SHISA9: variants seen among roughly 807,000 people sequenced by gnomAD.
SHISA9 encodes the protein protein shisa-9.
Under a neutral mutation model 38.0 loss-of-function variants are expected in SHISA9, and 13 were observed. That is an observed-to-expected ratio of 0.34 (90% CI 0.22 to 0.54). SHISA9 has a LOEUF of 0.54. Ranked by LOEUF, SHISA9 falls within the 20% of genes least tolerant of loss-of-function variation. The pLI, the probability that SHISA9 is intolerant of heterozygous loss-of-function variation, is 0.91. For synonymous variants in SHISA9, 275 were observed against 242.0 expected (o/e 1.14, Z -1.27); for missense variants, 538 against 575.8 (o/e 0.93, Z 0.67).
intron 2 of SHISA9, among the ~76,000 whole-genome samples, chr16:12,957,714 GA>G (rs1057326770): frequency 2.0e-5 from 3 of 152,100 alleles, no homozygotes; most frequent in African/African-American, 7.2e-5. Context: ...TATAAACTAA[GA>G]GGGTTAAACA....
At position 13,213,312 on chromosome 16, in the gene SHISA9, C is replaced by A. The variant is rs372010886; in HGVS notation, c.895+12C>A. On this transcript the variant is annotated intron_variant, in intron 4 of 4. Coordinates refer to ENST00000558583, the MANE Select transcript of SHISA9 (RefSeq NM_001145204.3). ...TAAGTCACCAAAAGGTACTGTACAG[C>A]TTTTTCTAGCTCTTTTGTCCAGGTG... 1.1e-4 allele frequency: 164 copies of A among 1,550,964 alleles called. 1 individual carries two copies. The South Asian group carries it at 1.2e-3, about 11-fold the overall frequency.
the SHISA9 span, among the ~76,000 whole-genome samples, chr16:13,347,179 G>A: frequency 2.0e-5 from 3 of 152,154 alleles, no homozygotes; most frequent in Non-Finnish European, 2.9e-5. Context: ...AGGGAAAATT[G>A]CCATTTCTGA....
intron 2 of SHISA9, among the ~76,000 whole-genome samples, chr16:13,126,099 C>G (rs1007149853): frequency 1.2e-4 from 18 of 152,200 alleles, no homozygotes; most frequent in African/African-American, 4.1e-4. Context: ...CCCTTAGTTT[C>G]TTATAGCCTA....
chr16:13,340,336 A>G, the SHISA9 span, among the ~76,000 whole-genome samples: 1 of 152,206 alleles, frequency 6.6e-6, no homozygotes, highest in Non-Finnish European at 1.5e-5. Context: ...CTAAAGGAAT[A>G]TGGGAACATA....
intron 2 of SHISA9, among the ~76,000 whole-genome samples, chr16:13,148,366 C>T (rs2050466506): frequency 6.6e-6 from 1 of 152,072 alleles, no homozygotes; most frequent in Non-Finnish European, 1.5e-5. Flanking sequence ...ATCCACACTA[C>T]ACACACCATG....
At chr16:13,359,347 G>A in the SHISA9 span, among the ~76,000 whole-genome samples, 2 of 152,120 alleles carry the variant, frequency 1.3e-5, no homozygotes, top group Non-Finnish European at 2.9e-5. Flanking sequence ...GCTGGGTGTG[G>A]TGGTGGGCAC....
chr16:13,379,260 C>T, the SHISA9 span, among the ~76,000 whole-genome samples: 1 of 152,194 alleles, frequency 6.6e-6, no homozygotes, highest in African/African-American at 2.4e-5. Context: ...TCACATTCAT[C>T]TTATTTTGGA....
chr16:12,936,948 G>A (rs2071542459), intron 2 of SHISA9, among the ~76,000 whole-genome samples: 1 of 152,116 alleles, frequency 6.6e-6, no homozygotes, highest in African/African-American at 2.4e-5. Flanking sequence ...TGGGGTTTGT[G>A]TATTTGTTCC....
chr16:12,989,671 T>A (rs1408998354), intron 2 of SHISA9, among the ~76,000 whole-genome samples: 1 of 152,202 alleles, frequency 6.6e-6, no homozygotes, highest in Non-Finnish European at 1.5e-5. Flanking sequence ...ATACCATTTT[T>A]ATTATGATTA....
At chr16:12,987,608 G>C (rs2072329614) in intron 2 of SHISA9, among the ~76,000 whole-genome samples, 1 of 152,172 alleles carries the variant, frequency 6.6e-6, no homozygotes, top group South Asian at 2.1e-4. Context: ...AGCTGGGGGA[G>C]GGAGAGCATC....
At chr16:13,143,065 G>C (rs1170544534) in intron 2 of SHISA9, among the ~76,000 whole-genome samples, 3 of 143,934 alleles carry the variant, frequency 2.1e-5, no homozygotes, top group Middle Eastern at 3.4e-3. Context: ...GGAGTGCAGT[G>C]GTGTGATCTC....
intron 2 of SHISA9, among the ~76,000 whole-genome samples, chr16:12,922,905 C>T (rs191455426): frequency 6.6e-6 from 1 of 152,178 alleles, no homozygotes; most frequent in African/African-American, 2.4e-5. Context: ...ATGTAAGCTG[C>T]AGGGGAGAAA....
the SHISA9 span, among the ~76,000 whole-genome samples, chr16:13,479,944 C>T: frequency 1.1e-4 from 17 of 152,300 alleles, no homozygotes; most frequent in African/African-American, 3.9e-4. Flanking sequence ...GCTTAGGAGG[C>T]GGACTGACCT....
chr16:12,926,863 A>AAC (rs1567341748), intron 2 of SHISA9, among the ~76,000 whole-genome samples: 3 of 152,220 alleles, frequency 2.0e-5, no homozygotes, highest in Admixed American at 6.5e-5. Flanking sequence ...TATTTGTCTT[A>AAC]CACTATAGAT....
chr16:12,979,030 G>T (rs1385198668), intron 2 of SHISA9, among the ~76,000 whole-genome samples: 1 of 152,136 alleles, frequency 6.6e-6, no homozygotes, highest in Non-Finnish European at 1.5e-5. Flanking sequence ...TATACACCTT[G>T]ACTCATCTCT....
chr16:12,980,429 T>C (rs957118113), intron 2 of SHISA9, among the ~76,000 whole-genome samples: 1 of 152,190 alleles, frequency 6.6e-6, no homozygotes, highest in African/African-American at 2.4e-5. Flanking sequence ...TATTCTTGCA[T>C]CTAGCATTGC....
At chr16:13,173,150 TGC>T (rs113180653) in intron 2 of SHISA9, among the ~76,000 whole-genome samples, 16 of 141,906 alleles carry the variant, frequency 1.1e-4, no homozygotes, top group Middle Eastern at 3.9e-3. Context: ...GAGATGCACG[TGC>T]GCACACACAC....
chr16:13,162,465 C>T (rs988820532), intron 2 of SHISA9, among the ~76,000 whole-genome samples: 7 of 152,178 alleles, frequency 4.6e-5, no homozygotes, highest in African/African-American at 1.7e-4. Flanking sequence ...CTTGCATTAG[C>T]ATCAATCACT....
the SHISA9 span, among the ~76,000 whole-genome samples, chr16:13,299,493 C>G: frequency 6.6e-6 from 1 of 152,204 alleles, no homozygotes; most frequent in East Asian, 1.9e-4. Context: ...GTGGGCGGAT[C>G]ACCTGAGGTC....
Sources: gnomAD v4.1 joint callset for allele counts (sites outside exome capture counted in the v4.1 genomes callset) on GRCh38, gnomAD v4.1.1 for gene constraint, MANE v1.5 for transcripts, NCBI Gene and HGNC (gene_info 2026-07-23, HGNC 2026-07-21) for gene names.